Variants in CADPS observed in about 807,000 individuals in gnomAD.
The protein encoded by CADPS is calcium-dependent secretion activator 1.
In CADPS, 57 loss-of-function variants were observed where a neutral mutation model predicts 167.3. The ratio of observed to expected loss-of-function variants is 0.34; its 90% CI spans 0.28 to 0.42. The LOEUF (loss-of-function observed/expected upper bound fraction) is 0.42, where lower values mean the gene tolerates loss of function less well. Ranked by LOEUF, CADPS falls within the 20% of genes least tolerant of loss-of-function variation. The probability of loss-of-function intolerance (pLI) is 1.00; values close to 1 mark genes in which losing one functional copy is unlikely to be tolerated. For synonymous variants in CADPS, 676 were observed against 635.3 expected (o/e 1.06, Z -0.96); for missense variants, 1,414 against 1,738.1 (o/e 0.81, Z 3.32).
chr3:62,580,807 TTTTA>T (rs1313833242), intron 8 of CADPS, among the ~76,000 whole-genome samples: 1 of 152,146 alleles, frequency 6.6e-6, no homozygotes, highest in Non-Finnish European at 1.5e-5. Flanking sequence ...TAAGCCTAAG[TTTTA>T]TTTCTCTAAA....
chr3:62,694,739 A>C (rs926854577), intron 3 of CADPS, among the ~76,000 whole-genome samples: 1 of 152,054 alleles, frequency 6.6e-6, no homozygotes, highest in Non-Finnish European at 1.5e-5. Context: ...CCATAGAATT[A>C]ACAGGTCCTT....
At chr3:62,538,494 G>A in intron 11 of CADPS, among the ~76,000 whole-genome samples, 1 of 152,078 alleles carries the variant, frequency 6.6e-6, no homozygotes, top group East Asian at 1.9e-4. Context: ...GGGTACACAC[G>A]AATTGCTCAT....
At position 62,483,308 on chromosome 3, in the gene CADPS, G is replaced by GGGGGAGTA. The variant is rs1320169825; in HGVS notation, c.3027-1447_3027-1440dup. Among the ~76,000 whole-genome samples the GGGGGAGTA allele has an allele frequency of 2.9e-4, 42 of 144,752 alleles. 1 individual carries two copies. The Middle Eastern group carries it at 0.018, about 62-fold the overall frequency. The allele number at this position is 144,752 out of a possible 152,430, so 95.0% of individuals were successfully genotyped here. On this transcript the variant is annotated intron_variant, in intron 21 of 29. Coordinates refer to ENST00000383710, the MANE Select transcript of CADPS (RefSeq NM_003716.4). The stretch of plus-strand genomic sequence containing the variant: ...TCTGGGCTTGCTTGGGTGGGGAAGT[G>GGGGGAGTA]GGGGAGTAGGGGAGTAGGGGAGTGG...
At chr3:62,520,710 A>T (rs2070310929) in intron 13 of CADPS, among the ~76,000 whole-genome samples, 1 of 152,040 alleles carries the variant, frequency 6.6e-6, no homozygotes, top group African/African-American at 2.4e-5. Context: ...TAACTGCCAG[A>T]ATTGCTCTGA....
intron 1 of CADPS, among the ~76,000 whole-genome samples, chr3:62,847,569 G>T: frequency 2.7e-5 from 1 of 37,276 alleles, no homozygotes; most frequent in Non-Finnish European, 5.1e-5. Flanking sequence ...GAGAATGATG[G>T]TTTCCAATTT....
chr3:62,487,621 G>C (rs1259746493), intron 21 of CADPS, among the ~76,000 whole-genome samples: 1 of 152,210 alleles, frequency 6.6e-6, no homozygotes, highest in Non-Finnish European at 1.5e-5. Flanking sequence ...CAGAGATGTA[G>C]CTTCCCTTTT....
intron 17 of CADPS, among the ~76,000 whole-genome samples, chr3:62,508,269 TC>T (rs1184951736): frequency 6.6e-6 from 1 of 151,902 alleles, no homozygotes; most frequent in African/African-American, 2.4e-5. Flanking sequence ...GACTGGAGAG[TC>T]ACTGACTACT....
intron 6 of CADPS, among the ~76,000 whole-genome samples, chr3:62,605,254 A>C (rs9873586): frequency 2.0e-5 from 1 of 49,104 alleles, no homozygotes. Flanking sequence ...GAAAAACAAA[A>C]AAAAAAAAAC....
intron 3 of CADPS, among the ~76,000 whole-genome samples, chr3:62,720,337 G>GTTTTT (rs139093687): frequency 2.3e-4 from 31 of 137,748 alleles, no homozygotes; most frequent in South Asian, 8.8e-4. Flanking sequence ...TTGTTTGTTT[G>GTTTTT]TTTGTTTTTT....
At chr3:62,494,308 A>G (rs1161287592) in intron 18 of CADPS, among the ~76,000 whole-genome samples, 2 of 152,184 alleles carry the variant, frequency 1.3e-5, no homozygotes, top group Non-Finnish European at 2.9e-5. Flanking sequence ...CCACCCCCAG[A>G]ACTTTCCCAG....
chr3:62,796,878 A>C (rs2093448209), intron 1 of CADPS, among the ~76,000 whole-genome samples: 1 of 152,200 alleles, frequency 6.6e-6, no homozygotes, highest in South Asian at 2.1e-4. Flanking sequence ...TAAACAAATC[A>C]TTGCTATGAA....
intron 3 of CADPS, among the ~76,000 whole-genome samples, chr3:62,739,325 C>G (rs2079682700): frequency 6.6e-6 from 1 of 152,194 alleles, no homozygotes; most frequent in Non-Finnish European, 1.5e-5. Flanking sequence ...CAGCTGACAA[C>G]AAACACAACA....
intron 6 of CADPS, among the ~76,000 whole-genome samples, chr3:62,630,645 A>G (rs1221405377): frequency 1.3e-5 from 2 of 152,150 alleles, no homozygotes; most frequent in Non-Finnish European, 2.9e-5. Flanking sequence ...GTGAGCCACC[A>G]TGCAGTTTCT....
At chr3:62,538,639 G>A (rs2075169233) in intron 11 of CADPS, among the ~76,000 whole-genome samples, 1 of 152,096 alleles carries the variant, frequency 6.6e-6, no homozygotes, top group South Asian at 2.1e-4. Flanking sequence ...AAACCGGCCG[G>A]GGCCTTACTC....
At chr3:62,628,808 G>T (rs1332618614) in intron 6 of CADPS, among the ~76,000 whole-genome samples, 1 of 151,960 alleles carries the variant, frequency 6.6e-6, no homozygotes. Flanking sequence ...CGTATTTTTA[G>T]TAGAAATGGG....
chr3:62,520,728 T>C (rs1489331940), intron 13 of CADPS, among the ~76,000 whole-genome samples: 1 of 152,208 alleles, frequency 6.6e-6, no homozygotes, highest in Non-Finnish European at 1.5e-5. Flanking sequence ...TGAAATGGTA[T>C]TGGTAACAGG....
At chr3:62,472,008 A>G (rs372507883) in intron 24 of CADPS, among the ~76,000 whole-genome samples, 17 of 152,230 alleles carry the variant, frequency 1.1e-4, no homozygotes, top group Middle Eastern at 3.4e-3. Context: ...AAAATATACA[A>G]TGGTCAATAA....
intron 4 of CADPS, among the ~76,000 whole-genome samples, chr3:62,652,349 C>A (rs964770174): frequency 1.4e-4 from 20 of 147,714 alleles, no homozygotes; most frequent in Admixed American, 2.0e-4. Context: ...GGGAGTAGAA[C>A]CCCACCTAGA....
chr3:62,400,431 T>G (rs1575530077), intron 29 of CADPS, among the ~76,000 whole-genome samples: 1 of 152,066 alleles, frequency 6.6e-6, no homozygotes, highest in South Asian at 2.1e-4. Context: ...TTTTTTTTTG[T>G]TTTTTTAAAA....
Sources: allele counts gnomAD v4.1 joint callset (sites outside exome capture counted in the v4.1 genomes callset), GRCh38; gene constraint gnomAD v4.1.1; transcripts MANE v1.5; gene names NCBI Gene and HGNC (gene_info 2026-07-23, HGNC 2026-07-21).